The following EYS variants were observed in gnomAD, a reference collection of about 807,000 sequenced individuals.
EYS encodes EGF-like photoreceptor maintenance factor.
Under a neutral mutation model 282.1 loss-of-function variants are expected in EYS, and 250 were observed. The observed-to-expected ratio is 0.89, with a 90% CI of 0.80 to 0.98. EYS has a LOEUF of 0.98. Ranked by LOEUF, EYS falls within the 50% of genes least tolerant of loss-of-function variation. The probability of loss-of-function intolerance (pLI) is 0.00; values close to 1 mark genes in which losing one functional copy is unlikely to be tolerated. For missense variants in EYS, 4,016 were observed against 3,709.0 expected (o/e 1.08, Z -2.15); for synonymous variants, 1,355 against 1,282.9 (o/e 1.06, Z -1.20).
At position 65,057,674 on chromosome 6, in the gene EYS, C is replaced by A; in HGVS notation, c.2077G>T (p.Gly693Ter). Residue 693 changes from glycine to a stop codon, truncating the protein, a stop_gained, in exon 13 of 43, where the codon GGA (glycine) becomes TGA (stop). Transcript: ENST00000503581. LOFTEE classifies it high-confidence loss of function. ...DECASHPCKN[G>*]ATCIDQPGNY... is the part of the protein sequence containing the mutation. ...CCAGGTTGGTCAATGCAGGTGGCTCCATTTTTGCAGGGATGTGAAGCACAC... is the reference window on the plus strand; with the variant it reads ...CCAGGTTGGTCAATGCAGGTGGCTCAATTTTTGCAGGGATGTGAAGCACAC... The A allele has an allele frequency of 2.6e-6, 4 of 1,551,186 alleles. No individual in the cohort carries two copies. The highest frequency in any genetic ancestry group is 3.5e-6 in the Non-Finnish European group (4 of 1,146,720).
At chr6:65,452,508 A>C (rs894902519) in intron 5 of EYS, among the ~76,000 whole-genome samples, 1 of 152,030 alleles carries the variant, frequency 6.6e-6, no homozygotes, top group Non-Finnish European at 1.5e-5. Context: ...CGAGATAATA[A>C]TATGTAATTA....
At chr6:65,292,293 A>G (rs1170765355) in intron 12 of EYS, among the ~76,000 whole-genome samples, 4 of 151,760 alleles carry the variant, frequency 2.6e-5, no homozygotes, top group African/African-American at 9.7e-5. Context: ...AAAATAGGCT[A>G]CACTATAAAT....
intron 5 of EYS, among the ~76,000 whole-genome samples, chr6:65,464,062 T>C (rs900882584): frequency 4.6e-5 from 7 of 152,172 alleles, no homozygotes; most frequent in Non-Finnish European, 1.0e-4. Context: ...TTCAGTTATG[T>C]TTTCAATTTT....
At chr6:64,499,722 G>C (rs567156294) in intron 26 of EYS, among the ~76,000 whole-genome samples, 1 of 152,052 alleles carries the variant, frequency 6.6e-6, no homozygotes, top group East Asian at 1.9e-4. Flanking sequence ...TAGTTCCTTA[G>C]TTGCTTCCCC....
At chr6:64,203,881 A>G (rs1014357426) in intron 31 of EYS, among the ~76,000 whole-genome samples, 1 of 152,106 alleles carries the variant, frequency 6.6e-6, no homozygotes, top group Non-Finnish European at 1.5e-5. Flanking sequence ...AAAAAATAAA[A>G]ATTGTATTCA....
At chr6:64,562,795 T>C (rs975236539) in intron 26 of EYS, among the ~76,000 whole-genome samples, 5 of 151,948 alleles carry the variant, frequency 3.3e-5, no homozygotes, top group Non-Finnish European at 7.4e-5. Context: ...ATTTTTAGTA[T>C]ATAATTCACA....
intron 31 of EYS, among the ~76,000 whole-genome samples, chr6:64,177,674 G>A (rs1405245312): frequency 2.0e-5 from 3 of 152,092 alleles, no homozygotes; most frequent in Non-Finnish European, 4.4e-5. Flanking sequence ...TGCTGTAAGA[G>A]CCCTGTGTGG....
At chr6:65,499,596 A>T (rs563550494) in intron 2 of EYS, among the ~76,000 whole-genome samples, 2 of 152,132 alleles carry the variant, frequency 1.3e-5, no homozygotes, top group Middle Eastern at 6.8e-3. Flanking sequence ...AGAAGAGATA[A>T]AATTAACAGA....
intron 31 of EYS, among the ~76,000 whole-genome samples, chr6:64,107,588 T>A (rs1007304147): frequency 2.0e-5 from 3 of 152,010 alleles, no homozygotes. Context: ...CTCAGCCCAC[T>A]GACTCAAATG....
At chr6:65,658,620 A>G (rs1767903427) in intron 1 of EYS, among the ~76,000 whole-genome samples, 1 of 151,750 alleles carries the variant, frequency 6.6e-6, no homozygotes, top group Admixed American at 6.6e-5. Context: ...TATATTTCAA[A>G]TTTAATGTTT....
intron 22 of EYS, among the ~76,000 whole-genome samples, chr6:64,703,431 T>TATATA (rs1562144201): frequency 2.1e-5 from 1 of 47,302 alleles, no homozygotes; most frequent in Non-Finnish European, 3.9e-5. Context: ...ATATATATAT[T>TATATA]TTTTTTTTTT....
intron 33 of EYS, among the ~76,000 whole-genome samples, chr6:64,014,784 T>TA (rs1330784582): frequency 1.3e-5 from 2 of 151,958 alleles, no homozygotes; most frequent in African/African-American, 2.4e-5. Context: ...TTTTTATTTT[T>TA]TTTTTTTTTG....
intron 24 of EYS, among the ~76,000 whole-genome samples, chr6:64,608,190 C>T (rs937160988): frequency 2.0e-5 from 3 of 151,980 alleles, no homozygotes; most frequent in African/African-American, 7.3e-5. Flanking sequence ...TTCATGTTTT[C>T]GTTCATGTAT....
intron 5 of EYS, among the ~76,000 whole-genome samples, chr6:65,452,158 AT>A (rs1246864912): frequency 6.6e-6 from 1 of 151,804 alleles, no homozygotes; most frequent in Non-Finnish European, 1.5e-5. Context: ...GTCAGCTCTT[AT>A]TAATAGCAAG....
At chr6:65,449,042 T>A (rs893485147) in intron 5 of EYS, among the ~76,000 whole-genome samples, 3 of 152,110 alleles carry the variant, frequency 2.0e-5, no homozygotes, top group African/African-American at 7.2e-5. Context: ...CCATATGCAA[T>A]GCTTAATTTG....
chr6:64,328,260 G>T (rs1308266178), intron 29 of EYS, among the ~76,000 whole-genome samples: 5 of 152,160 alleles, frequency 3.3e-5, no homozygotes, highest in Non-Finnish European at 5.9e-5. Context: ...TATACAAGCT[G>T]CCTTCCAGTG....
chr6:64,740,189 A>G (rs1772324916), intron 22 of EYS, among the ~76,000 whole-genome samples: 1 of 152,134 alleles, frequency 6.6e-6, no homozygotes, highest in South Asian at 2.1e-4. Flanking sequence ...CTACATAATC[A>G]CAATAAATTT....
At chr6:65,206,354 C>G (rs532360655) in intron 12 of EYS, among the ~76,000 whole-genome samples, 10 of 151,160 alleles carry the variant, frequency 6.6e-5, no homozygotes, top group African/African-American at 2.2e-4. Flanking sequence ...AATGTAAATC[C>G]TGAACAGACC....
At chr6:64,843,660 A>G (rs2812795) in intron 19 of EYS, among the ~76,000 whole-genome samples, 1 of 152,090 alleles carries the variant, frequency 6.6e-6, no homozygotes, top group East Asian at 1.9e-4. Context: ...CTAGCTTCCT[A>G]TTGATTTTAC....
Sources: gnomAD v4.1 joint callset for allele counts (sites outside exome capture counted in the v4.1 genomes callset) on GRCh38, gnomAD v4.1.1 for gene constraint, MANE v1.5 for transcripts, NCBI Gene and HGNC (gene_info 2026-07-23, HGNC 2026-07-21) for gene names.